Variants in PJA2 observed in about 807,000 individuals in gnomAD.
PJA2 encodes the protein praja ring finger ubiquitin ligase 2, also known as E3 ubiquitin-protein ligase Praja-2.
Under a neutral mutation model 69.3 loss-of-function variants are expected in PJA2, and 25 were observed. The observed-to-expected ratio is 0.36, with a 90% CI of 0.26 to 0.50. The LOEUF (loss-of-function observed/expected upper bound fraction) is 0.50. Ranked by LOEUF, PJA2 falls within the 20% of genes least tolerant of loss-of-function variation. The pLI, the probability that PJA2 is intolerant of heterozygous loss-of-function variation, is 0.96. For missense variants in PJA2, 809 were observed against 830.2 expected (o/e 0.97, Z 0.31); for synonymous variants, 308 against 277.8 (o/e 1.11, Z -1.08).
At chr5:109,338,442 C>A (rs1216561351) in intron 9 of PJA2, among the ~76,000 whole-genome samples, 1 of 152,038 alleles carries the variant, frequency 6.6e-6, no homozygotes, top group Non-Finnish European at 1.5e-5. Flanking sequence ...GAGTTCGCAA[C>A]CAGCCTGGGC....
chr5:109,363,618 C>T (rs1314781158), intron 5 of PJA2, among the ~76,000 whole-genome samples: 1 of 152,154 alleles, frequency 6.6e-6, no homozygotes, highest in Non-Finnish European at 1.5e-5. Flanking sequence ...CATAAGTCAC[C>T]ATCTCAGGGA....
At chr5:109,400,895 C>G (rs1033999629) in intron 1 of PJA2, among the ~76,000 whole-genome samples, 1 of 151,960 alleles carries the variant, frequency 6.6e-6, no homozygotes, top group African/African-American at 2.4e-5. Context: ...AGGCAGGAGA[C>G]TGGCATGAAC....
intron 7 of PJA2, among the ~76,000 whole-genome samples, chr5:109,352,472 T>C (rs1762269670): frequency 6.6e-6 from 1 of 152,214 alleles, no homozygotes; most frequent in Non-Finnish European, 1.5e-5. Flanking sequence ...TATGTATTTC[T>C]GATGCAAGTT....
At chr5:109,396,966 C>T (rs1364180714) in intron 1 of PJA2, among the ~76,000 whole-genome samples, 1 of 152,142 alleles carries the variant, frequency 6.6e-6, no homozygotes, top group African/African-American at 2.4e-5. Flanking sequence ...GTGCCATCTT[C>T]CAAAATTCTT....
chr5:109,378,474 G>A lies in PJA2; in HGVS notation c.1013C>T (p.Ala338Val), dbSNP rs200211205. The change falls in exon 4 of 10, where the codon GCG becomes GTG. Residue 338 changes from alanine (A) to valine (V), a missense_variant. Transcript: ENST00000361189. ...CCATCTTTGAACACTTCTTTGTTTC[G>A]CCTCATGCCTATTAAAACCTGTTTC... is the stretch of plus-strand genomic sequence containing the variant. ...DQETGFNRHE[A>V]KQRSVQRWRE... The A allele has an allele frequency of 3.3e-5, 54 of 1,613,966 alleles. No individual in the cohort carries two copies. Among genetic ancestry groups the A allele is most frequent in the Middle Eastern group, 1.6e-4 (1 of 6,062 alleles).
chr5:109,374,112 A>G (rs1208288536), intron 4 of PJA2, among the ~76,000 whole-genome samples: 1 of 152,218 alleles, frequency 6.6e-6, no homozygotes, highest in Non-Finnish European at 1.5e-5. Flanking sequence ...ATATGAATGG[A>G]TTATGTCCAA....
chr5:109,344,139 C>A, intron 9 of PJA2, 51 bp downstream of exon 9: 2 of 1,120,774 alleles, frequency 1.8e-6, no homozygotes, highest in Admixed American at 3.1e-5. Flanking sequence ...TATTCACTTG[C>A]AGAAGACACT....
rs1278969687 is a variant in PJA2, at chr5:109,336,036, T to C, written c.*1195A>G. 1 of 152,628 alleles carries C rather than the reference T, an allele frequency of 6.6e-6. No homozygotes were observed. The highest frequency in any genetic ancestry group is 1.9e-4 in the East Asian group (1 of 5,202). The allele number at this position is 152,628 out of a possible 1,614,324, so 9.5% of individuals were successfully genotyped here. ...ATGAAAAAAGGAGACGGGATATAAA[T>C]ACTCAGAGAAATACACGAATAAGAT... is the stretch of plus-strand genomic sequence containing the variant. On this transcript the variant is annotated 3_prime_UTR_variant, in exon 10 of 10. Coordinates refer to ENST00000361189, the MANE Select transcript of PJA2 (RefSeq NM_014819.5).
At chr5:109,395,443 C>T (rs1162794858) in intron 1 of PJA2, among the ~76,000 whole-genome samples, 2 of 152,066 alleles carry the variant, frequency 1.3e-5, no homozygotes, top group African/African-American at 4.8e-5. Flanking sequence ...TGGGAGGTCA[C>T]GTGAGCCTGG....
rs1428902570 is a variant in PJA2, at chr5:109,355,473, A to G, written c.1764+442T>C. On this transcript the variant is annotated intron_variant, in intron 7 of 9. Coordinates refer to ENST00000361189, the MANE Select transcript of PJA2 (RefSeq NM_014819.5). ...ATGCCCCACTTATTAAAGTGTGTAT[A>G]TGTTTGCTGGGATAAGGAGGAGCAA... is the stretch of plus-strand genomic sequence containing the variant. Among the ~76,000 whole-genome samples the G allele has an allele frequency of 5.3e-5, 8 of 152,342 alleles. No individual in the cohort carries two copies. The East Asian group carries it at 1.5e-3, about 29-fold the overall frequency.
At chr5:109,342,474 G>A (rs1191389213) in intron 9 of PJA2, among the ~76,000 whole-genome samples, 4 of 127,420 alleles carry the variant, frequency 3.1e-5, no homozygotes, top group African/African-American at 6.4e-5. Context: ...GGAGGGAGGT[G>A]GGGGGGTCAG....
chr5:109,344,746 A>T lies in PJA2; in HGVS notation c.1838T>A (p.Ile613Asn). Reference protein sequence around the residue: ...VANPPASKESIDGLPETLVLE... With the variant: ...VANPPASKESNDGLPETLVLE... ...AACAAGGGTCTCTGGAAGACCATCA[A>T]TGCTTTCCTTACTAGCTGGTGGATT... is the stretch of plus-strand genomic sequence containing the variant. Residue 613 changes from isoleucine (I) to asparagine (N), a missense_variant, in exon 8 of 10, where the codon ATT becomes AAT. Around this residue, in one of 4 missense-constraint regions of PJA2, gnomAD observed 55 missense variants for 90.7 expected, o/e 0.61. Transcript: ENST00000361189. The T allele has an allele frequency of 6.2e-7, 1 of 1,614,090 alleles. No individual in the cohort carries two copies. Among genetic ancestry groups the T allele is most frequent in the Non-Finnish European group, 8.5e-7 (1 of 1,179,970 alleles).
At position 109,396,408 on chromosome 5, in the gene PJA2, T is replaced by C. The variant is rs562171808; in HGVS notation, c.-87-12888A>G. Among the ~76,000 whole-genome samples the C allele has an allele frequency of 2.3e-4, 34 of 150,362 alleles. No individual in the cohort carries two copies. The South Asian group carries it at 2.7e-3, about 12-fold the overall frequency. On this transcript the variant is annotated intron_variant, in intron 1 of 9. Transcript: ENST00000361189. ...TAAAATACCAATCATTACTTCTACT[T>C]AACATGTAAAGTTCTTTTTTTTTTT... is the stretch of plus-strand genomic sequence containing the variant.
In PJA2 at chr5:109,355,849, C is replaced by G. The variant is rs1762404445; in HGVS notation, c.1764+66G>C. ...CTTTTCTTAAGAGTAGTCTAAAAAT[C>G]CCTTTAAACCTTTATCATTTTGTAT... On this transcript the variant is annotated intron_variant, in intron 7 of 9. Coordinates refer to ENST00000361189, the MANE Select transcript of PJA2 (RefSeq NM_014819.5). The G allele has an allele frequency of 9.9e-6, 11 of 1,112,586 alleles. No homozygotes were observed. In the South Asian group the frequency reaches 1.4e-4, roughly 14 times the overall value. The allele number at this position is 1,112,586 out of a possible 1,614,324, so 68.9% of individuals were successfully genotyped here. A position where few individuals can be genotyped will look rare whatever the true frequency, so the allele number is the denominator to read the frequency against.
chr5:109,373,241 C>G (rs537991922), intron 4 of PJA2, among the ~76,000 whole-genome samples: 1 of 151,902 alleles, frequency 6.6e-6, no homozygotes, highest in East Asian at 1.9e-4. Context: ...AATAACAGAG[C>G]AAGAAAAAGT....
At chr5:109,391,145 C>G (rs1441006483) in intron 1 of PJA2, among the ~76,000 whole-genome samples, 1 of 152,160 alleles carries the variant, frequency 6.6e-6, no homozygotes, top group Non-Finnish European at 1.5e-5. Context: ...GTCTGTAGTT[C>G]TTTTACCAGG....
intron 1 of PJA2, among the ~76,000 whole-genome samples, chr5:109,397,582 G>A (rs569732112): frequency 6.6e-6 from 1 of 151,838 alleles, no homozygotes; most frequent in Admixed American, 6.6e-5. Context: ...GCAGTGGTGC[G>A]ATCTTGGCTC....
chr5:109,376,008 T>A (rs1006531299), intron 4 of PJA2, among the ~76,000 whole-genome samples: 1 of 152,192 alleles, frequency 6.6e-6, no homozygotes, highest in Admixed American at 6.5e-5. Flanking sequence ...ATCTTAAGGC[T>A]ATGGATAAAA....
rs191958050 is a variant in PJA2 at position 109,396,712 on chromosome 5, C to T, written c.-88+13130G>A. 4.0e-3 allele frequency among the ~76,000 whole-genome samples: 553 copies of T among 139,766 alleles called. 2 individuals are homozygous for T. The highest frequency in any genetic ancestry group is 0.014 in the African/African-American group (519 of 37,344). The allele number at this position is 139,766 out of a possible 152,430, so 91.7% of individuals were successfully genotyped here. A position where few individuals can be genotyped will look rare whatever the true frequency, so the allele number is the denominator to read the frequency against. ...AGTGCTAGGATTACGGGGATGAGCA[C>T]CGCACCCGGCCTAACATGTAAAGTT... On this transcript the variant is annotated intron_variant, in intron 1 of 9. Transcript: ENST00000361189.
Sources: allele counts gnomAD v4.1 joint callset (sites outside exome capture counted in the v4.1 genomes callset), GRCh38; gene constraint gnomAD v4.1.1; regional missense constraint gnomAD v4.1.1; transcripts MANE v1.5; gene names NCBI Gene and HGNC (gene_info 2026-07-23, HGNC 2026-07-21).